Variants in ATG4B observed in about 807,000 individuals in gnomAD.
ATG4B encodes cysteine protease ATG4B.
Under a neutral mutation model 56.6 loss-of-function variants are expected in ATG4B, and 29 were observed. The observed-to-expected ratio is 0.51, with a 90% confidence interval of 0.38 to 0.70. The LOEUF (loss-of-function observed/expected upper bound fraction) is 0.70, where lower values mean the gene tolerates loss of function less well. Ranked by LOEUF, ATG4B falls within the 30% of genes least tolerant of loss-of-function variation. ATG4B has a pLI of 0.00. For synonymous variants in ATG4B, 224 were observed against 206.1 expected (o/e 1.09, Z -0.74); for missense variants, 461 against 515.5 (o/e 0.89, Z 1.02).
At chr2:241,655,681 G>A (rs1334969840) in intron 6 of ATG4B, among the ~76,000 whole-genome samples, 2 of 152,142 alleles carry the variant, frequency 1.3e-5, no homozygotes, top group African/African-American at 2.4e-5. Context: ...CACCTCTGCA[G>A]GCTTGTTGGA....
In ATG4B at chr2:241,672,349, C is replaced by G. The variant is rs542561132; in HGVS notation, c.*85C>G. On this transcript the variant is annotated 3_prime_UTR_variant, in exon 13 of 13. Coordinates refer to ENST00000404914, the MANE Select transcript of ATG4B (RefSeq NM_013325.5). ...TCATCCATCCCGCCCGCTCGCCTGC[C>G]GAGGGCTGCGCCCCGTGCTGCCTCC... The G allele has an allele frequency of 3.1e-6, 4 of 1,275,978 alleles. No homozygotes were observed. The highest frequency in any genetic ancestry group is 4.4e-6 in the Non-Finnish European group (4 of 904,910). The allele number at this position is 1,275,978 out of a possible 1,614,324, so 79.0% of individuals were successfully genotyped here.
chr2:241,650,563 G>A (rs778557656), intron 1 of ATG4B, among the ~76,000 whole-genome samples: 2 of 152,062 alleles, frequency 1.3e-5, no homozygotes, highest in African/African-American at 4.8e-5. Context: ...CTTCCCTTGC[G>A]TACAAGGATG....
intron 7 of ATG4B, 50 bp downstream of exon 7, chr2:241,659,237 CATACACACT>C: frequency 6.6e-7 from 1 of 1,521,922 alleles, no homozygotes; most frequent in Non-Finnish European, 9.1e-7. Flanking sequence ...TCACGGGCAA[CATACACACT>C]TCCTCGCCTG....
At position 241,673,494 on chromosome 2, in the gene ATG4B, A is replaced by G. The variant is rs1130906; in HGVS notation, c.*1230A>G. Reference sequence around the variant, plus strand: ...TGCTGCTTGTGTAGGTCGGGGAGCCAGAGATCCCCGAGGACGCGCGCCGGA... The same window carrying G: ...TGCTGCTTGTGTAGGTCGGGGAGCCGGAGATCCCCGAGGACGCGCGCCGGA... On this transcript the variant is annotated 3_prime_UTR_variant, in exon 13 of 13. Transcript: ENST00000404914. 0.63 allele frequency: 268,667 copies of G among 424,844 alleles called. 85,515 individuals are homozygous for G. The highest frequency in any genetic ancestry group is 0.75 in the Middle Eastern group (1,002 of 1,330). 26.3% of individuals were successfully genotyped at this position (424,844 alleles called of 1,614,324 possible). A position where few individuals can be genotyped will look rare whatever the true frequency, so the allele number is the denominator to read the frequency against.
chr2:241,644,765 C>A (rs1047358869), intron 1 of ATG4B, among the ~76,000 whole-genome samples: 7 of 152,106 alleles, frequency 4.6e-5, no homozygotes, highest in African/African-American at 1.7e-4. Flanking sequence ...GCCTGACCAA[C>A]ATGGGAGAAA....
chr2:241,659,231 G>C, intron 7 of ATG4B, 44 bp downstream of exon 7: 2 of 1,550,334 alleles, frequency 1.3e-6, no homozygotes, highest in Non-Finnish European at 1.8e-6. Flanking sequence ...TTGAAATCAC[G>C]GGCAACATAC....
In ATG4B at chr2:241,666,831, C is replaced by T. The variant is rs762166176; in HGVS notation, c.725C>T (p.Thr242Met). ...LTDINEAYVE[T>M]LKHCFMMPQS... is the part of the protein sequence containing the mutation. ...GACATCAACGAGGCCTACGTGGAGA[C>T]GCTGAAGGTGGGTCCTGCCGTGCGG... The change falls in exon 8 of 13, where the codon ACG becomes ATG. Residue 242 changes from threonine to methionine, a missense_variant. Thr to Met is a moderately conservative substitution (Grantham distance 81, BLOSUM62 -1). Transcript: ENST00000404914. 36 of 1,560,934 alleles carry T rather than the reference C, an allele frequency of 2.3e-5. No individual in the cohort carries two copies. Among genetic ancestry groups the T allele is most frequent in the Middle Eastern group, 1.8e-4 (1 of 5,650 alleles).
At position 241,673,441 on chromosome 2, in the gene ATG4B, C is replaced by T. The variant is rs769082860; in HGVS notation, c.*1177C>T. ...GCACTTTTCTCATGAGCAGCTACTG[C>T]GGCGTTGGCAGGACTCGCTGCTGCT... is the stretch of plus-strand genomic sequence containing the variant. On this transcript the variant is annotated 3_prime_UTR_variant, in exon 13 of 13. Transcript: ENST00000404914. The T allele has an allele frequency of 2.0e-5, 8 of 391,458 alleles. No individual in the cohort carries two copies. The highest frequency in any genetic ancestry group is 5.5e-5 in the Admixed American group (2 of 36,082). 24.2% of individuals were successfully genotyped at this position (391,458 alleles called of 1,614,324 possible). A position where few individuals can be genotyped will look rare whatever the true frequency, so the allele number is the denominator to read the frequency against.
In ATG4B at chr2:241,653,339, T is replaced by C. The variant is rs188264796; in HGVS notation, c.185-173T>C. The C allele has an allele frequency of 5.2e-5, 81 of 1,549,776 alleles. No individual in the cohort carries two copies. The African/African-American group carries it at 8.1e-4, about 15-fold the overall frequency. The stretch of plus-strand genomic sequence containing the variant: ...TCGGGACATTTCACTCTCCAGTAAA[T>C]GTGGCCCTTGGCGTTACTGAGTCCT... On this transcript the variant is annotated intron_variant, in intron 3 of 12. Transcript: ENST00000404914.
Position 241,668,661 on chromosome 2 carries a change from G to A in ATG4B, c.933G>A (p.Ala311=), listed in dbSNP as rs773033178. The change falls in exon 10 of 13, where the codon GCG becomes GCA. Residue 311 remains alanine (A), a synonymous_variant. Transcript: ENST00000404914. This position sits in a 1 kb window ranked among gnomAD's most constrained non-coding sequence, Gnocchi z 4.2. ...ACCCGCCGTGCCGCATGAGCATCGC[G>A]GAGCTTGACCCGTCCATCGCTGTGG... ...CQHPPCRMSI[A]ELDPSIAVGF... 1.3e-5 allele frequency: 21 copies of A among 1,577,464 alleles called. No homozygotes were observed. Among genetic ancestry groups the A allele is most frequent in the East Asian group, 2.3e-5 (1 of 42,696 alleles).
intron 1 of ATG4B, among the ~76,000 whole-genome samples, chr2:241,650,577 G>A (rs2068199674): frequency 6.6e-6 from 1 of 152,122 alleles, no homozygotes; most frequent in Non-Finnish European, 1.5e-5. Flanking sequence ...AAGGATGAAG[G>A]AGGTGGTTTA....
intron 7 of ATG4B, 75 bp downstream of exon 7, chr2:241,659,262 C>G: frequency 7.5e-7 from 1 of 1,340,266 alleles, no homozygotes; most frequent in Non-Finnish European, 1.1e-6. Context: ...GCCTGAGTCC[C>G]CACGGGAGCC....
At chr2:241,669,272 A>C (rs921819690) in intron 10 of ATG4B, among the ~76,000 whole-genome samples, 1 of 151,760 alleles carries the variant, frequency 6.6e-6, no homozygotes, top group Admixed American at 6.6e-5. Context: ...AGGCCAAAAA[A>C]CCCCCCTAGA....
chr2:241,664,371 AAAAAC>A (rs1306329798), intron 7 of ATG4B, among the ~76,000 whole-genome samples: 3 of 152,018 alleles, frequency 2.0e-5, no homozygotes, highest in Admixed American at 6.6e-5. Flanking sequence ...ATCTCTACAA[AAAAAC>A]AAAACAAAAA....
chr2:241,653,757 C>A, intron 4 of ATG4B, 147 bp downstream of exon 4: 1 of 684,722 alleles, frequency 1.5e-6, no homozygotes, highest in Non-Finnish European at 2.4e-6. Context: ...ACTTGTTTTT[C>A]TTGATTTAAA....
chr2:241,653,079 CT>C, intron 3 of ATG4B, among the ~76,000 whole-genome samples: 1 of 152,264 alleles, frequency 6.6e-6, no homozygotes, highest in East Asian at 1.9e-4. Context: ...GCCCAGGCAC[CT>C]GTGCTGGAAG....
intron 1 of ATG4B, among the ~76,000 whole-genome samples, chr2:241,645,264 T>C (rs1277865624): frequency 6.6e-6 from 1 of 152,180 alleles, no homozygotes; most frequent in Non-Finnish European, 1.5e-5. Flanking sequence ...GGCTCTTTTG[T>C]AGGAATCGCT....
In ATG4B at chr2:241,673,416, G is replaced by C; in HGVS notation, c.*1152G>C. The C allele has an allele frequency of 2.6e-6, 1 of 377,432 alleles. No homozygotes were observed. The highest frequency in any genetic ancestry group is 5.3e-6 in the Non-Finnish European group (1 of 186,962). The allele number at this position is 377,432 out of a possible 1,614,324, so 23.4% of individuals were successfully genotyped here. Reference sequence around the variant, plus strand: ...AAACAGGAGGGCTTGGGGAGCGTGGGCACTTTTCTCATGAGCAGCTACTGC... The same window carrying C: ...AAACAGGAGGGCTTGGGGAGCGTGGCCACTTTTCTCATGAGCAGCTACTGC... On this transcript the variant is annotated 3_prime_UTR_variant, in exon 13 of 13. Transcript: ENST00000404914.
In ATG4B at chr2:241,672,783, C is replaced by T. The variant is rs746766281; in HGVS notation, c.*519C>T. ...GCGCCCACCGCTGTGTCCTCTCTGC[C>T]CAGCCTGGCTTACCAAGGGCTACCT... is the stretch of plus-strand genomic sequence containing the variant. On this transcript the variant is annotated 3_prime_UTR_variant, in exon 13 of 13. Coordinates refer to ENST00000404914, the MANE Select transcript of ATG4B (RefSeq NM_013325.5). 1 of 165,156 alleles carries T rather than the reference C, an allele frequency of 6.1e-6. No individual in the cohort carries two copies. The highest frequency in any genetic ancestry group is 2.4e-5 in the African/African-American group (1 of 41,828). 10.2% of individuals were successfully genotyped at this position (165,156 alleles called of 1,614,324 possible). A position where few individuals can be genotyped will look rare whatever the true frequency, so the allele number is the denominator to read the frequency against.
Sources: allele counts gnomAD v4.1 joint callset (sites outside exome capture counted in the v4.1 genomes callset), GRCh38; gene constraint gnomAD v4.1.1; non-coding constraint Gnocchi (gnomAD v3.1); transcripts MANE v1.5; gene names NCBI Gene and HGNC (gene_info 2026-07-23, HGNC 2026-07-21).